The following CBX5 variants were observed in gnomAD, a reference collection of about 807,000 sequenced individuals.
CBX5 encodes the protein chromobox 5, also known as chromobox protein homolog 5.
A neutral mutation model predicts 20.7 loss-of-function variants in CBX5; 7 were observed. The observed-to-expected ratio is 0.34, with a 90% confidence interval of 0.19 to 0.63. The LOEUF (loss-of-function observed/expected upper bound fraction) is 0.63, where lower values mean the gene tolerates loss of function less well. CBX5 is among the 30% of genes least tolerant of loss of function. CBX5 has a pLI of 0.75. For missense variants in CBX5, 110 were observed against 224.1 expected, an observed-to-expected ratio of 0.49 and a Z score of 3.25; for synonymous variants, 78 against 77.0, an observed-to-expected ratio of 1.01 and a Z score of -0.07.
Position 54,247,702 on chromosome 12 carries a change from C to T in CBX5, c.325-1487G>A, listed in dbSNP as rs149142783. On this transcript the variant is annotated intron_variant, in intron 3 of 4. Transcript: ENST00000209875. ...CAGGTAATTTTTTTTTTTAGACAGT[C>T]TCCCTCTGTTGCCTAGGTTAAAGTG... Among the ~76,000 whole-genome samples the T allele has an allele frequency of 3.3e-3, 506 of 152,082 alleles. 6 individuals are homozygous for T. Among genetic ancestry groups the T allele is most frequent in the African/African-American group, 0.012 (491 of 41,488 alleles).
chr12:54,241,646 A>C lies in CBX5; in HGVS notation c.*109T>G. 1 of 1,029,676 alleles carries C rather than the reference A, an allele frequency of 9.7e-7. No homozygotes were observed. Among genetic ancestry groups the C allele is most frequent in the Non-Finnish European group, 1.4e-6 (1 of 698,696 alleles). The allele number at this position is 1,029,676 out of a possible 1,614,324, so 63.8% of individuals were successfully genotyped here. A position where few individuals can be genotyped will look rare whatever the true frequency, so the allele number is the denominator to read the frequency against. ...TCTCCTGTGGAGCACAGTGATAAGCACATTTTTTATGGATGTGTTTAGGAT... is the reference window on the plus strand; with the variant it reads ...TCTCCTGTGGAGCACAGTGATAAGCCCATTTTTTATGGATGTGTTTAGGAT... On this transcript the variant is annotated 3_prime_UTR_variant, in exon 5 of 5. Coordinates refer to ENST00000209875, the MANE Select transcript of CBX5 (RefSeq NM_012117.3).
At chr12:54,275,576 C>G (rs549146725) in intron 1 of CBX5, among the ~76,000 whole-genome samples, 1 of 152,132 alleles carries the variant, frequency 6.6e-6, no homozygotes, top group South Asian at 2.1e-4. Context: ...AGCGTTATAA[C>G]TTCTGTAATT....
At chr12:54,257,450 G>A in intron 2 of CBX5, 64 bp downstream of exon 2, 1 of 1,543,604 alleles carries the variant, frequency 6.5e-7, no homozygotes, top group South Asian at 1.2e-5. Context: ...TGATTCCTAA[G>A]GAAGTAAACC....
intron 2 of CBX5, among the ~76,000 whole-genome samples, chr12:54,257,303 T>C (rs184630799): frequency 6.6e-6 from 1 of 152,258 alleles, no homozygotes; most frequent in East Asian, 1.9e-4. Flanking sequence ...TCCTAACCAA[T>C]TCATTATACT....
At chr12:54,261,264 A>C (rs900741409) in intron 1 of CBX5, among the ~76,000 whole-genome samples, 3 of 151,536 alleles carry the variant, frequency 2.0e-5, no homozygotes, top group Non-Finnish European at 4.4e-5. Flanking sequence ...AGAAGAAACC[A>C]TAGGGTGTAA....
intron 2 of CBX5, chr12:54,255,674 T>C (rs996748810): frequency 1.3e-5 from 2 of 152,130 alleles, no homozygotes; most frequent in African/African-American, 4.8e-5. Flanking sequence ...GCAGTGGCTA[T>C]TCACAGGTAC....
rs1284163327 is a variant in CBX5, at chr12:54,238,140, A to G, written c.*3615T>C. On this transcript the variant is annotated 3_prime_UTR_variant, in exon 5 of 5. Transcript: ENST00000209875. Reference sequence around the variant, plus strand: ...AGGAGGTGGAGGGTACAGTAAGCCAAGATTGTGCCACTGCACTCCAGCCTG... The same window carrying G: ...AGGAGGTGGAGGGTACAGTAAGCCAGGATTGTGCCACTGCACTCCAGCCTG... The G allele has an allele frequency of 6.6e-6, 1 of 152,286 alleles. No homozygotes were observed. The highest frequency in any genetic ancestry group is 1.5e-5 in the Non-Finnish European group (1 of 68,120). 9.4% of individuals were successfully genotyped at this position (152,286 alleles called of 1,614,324 possible). A position where few individuals can be genotyped will look rare whatever the true frequency, so the allele number is the denominator to read the frequency against.
In CBX5 at chr12:54,257,655, C is replaced by T; in HGVS notation, c.-5G>A. ...CCGCTTGGTTTTCTTTCCCATGTCG[C>T]ACACCGTTCCACCTGAAAGACTAAG... is the stretch of plus-strand genomic sequence containing the variant. On this transcript the variant is annotated 5_prime_UTR_variant, in exon 2 of 5. Transcript: ENST00000209875. The T allele has an allele frequency of 1.9e-6, 3 of 1,614,184 alleles. No individual in the cohort carries two copies. The highest frequency in any genetic ancestry group is 1.7e-6 in the Non-Finnish European group (2 of 1,180,014).
chr12:54,263,627 G>A (rs1943930844), intron 1 of CBX5, among the ~76,000 whole-genome samples: 1 of 151,514 alleles, frequency 6.6e-6, no homozygotes, highest in Admixed American at 6.6e-5. Flanking sequence ...GGGAGGCTGA[G>A]GCAGTTACGC....
Position 54,262,736 on chromosome 12 carries a change from G to C in CBX5, c.-42-5044C>G, listed in dbSNP as rs573555719. The stretch of plus-strand genomic sequence containing the variant: ...ACACAAAGCCAGTCAAACAATTTAA[G>C]GGCTAGAGCCTAGACCAGATAAAGC... On this transcript the variant is annotated intron_variant, in intron 1 of 4. Transcript: ENST00000209875. 4 of 152,692 alleles carry C rather than the reference G, an allele frequency of 2.6e-5. No homozygotes were observed. In the East Asian group the frequency reaches 7.7e-4, roughly 29 times the overall value. 9.5% of individuals were successfully genotyped at this position (152,692 alleles called of 1,614,324 possible). A position where few individuals can be genotyped will look rare whatever the true frequency, so the allele number is the denominator to read the frequency against.
At chr12:54,250,674 G>A (rs1217404337) in intron 3 of CBX5, among the ~76,000 whole-genome samples, 4 of 147,504 alleles carry the variant, frequency 2.7e-5, no homozygotes, top group Non-Finnish European at 6.0e-5. Context: ...GCGCGGTGGC[G>A]GGCGCCTGTA....
intron 3 of CBX5, among the ~76,000 whole-genome samples, chr12:54,248,964 A>C (rs559533994): frequency 3.3e-5 from 5 of 152,306 alleles, no homozygotes; most frequent in African/African-American, 9.6e-5. Flanking sequence ...TTATGATGTA[A>C]GGGACATGTG....
At chr12:54,256,585 T>C (rs550647222) in intron 2 of CBX5, among the ~76,000 whole-genome samples, 124 of 152,270 alleles carry the variant, frequency 8.1e-4, no homozygotes, top group Non-Finnish European at 1.5e-3. Flanking sequence ...ACTAGCCACA[T>C]GTGCCTATTT....
rs538591806 is a variant in CBX5, at chr12:54,255,363, G to T, written c.137+2151C>A. Among the ~76,000 whole-genome samples the T allele has an allele frequency of 3.9e-5, 6 of 152,156 alleles. No individual in the cohort carries two copies. The South Asian group carries it at 8.3e-4, about 21-fold the overall frequency. On this transcript the variant is annotated intron_variant, in intron 2 of 4. Transcript: ENST00000209875. ...TCACAAGGTCAGGAGTTCGAGACCA[G>T]CCTGGCCAACATGGTGAAATGCTGT...
At chr12:54,275,389 G>A (rs1324338804) in intron 1 of CBX5, among the ~76,000 whole-genome samples, 1 of 151,920 alleles carries the variant, frequency 6.6e-6, no homozygotes, top group African/African-American at 2.4e-5. Context: ...CTACAGGCGT[G>A]TGCCACCACG....
rs1167136164 is a variant in CBX5 at position 54,234,410 on chromosome 12, C to A, written c.*7345G>T. ...AAATCCCTTAAAAAAGGCTGACAAA[C>A]TGACCACTTGGCCTTGAATCGACTG... On this transcript the variant is annotated 3_prime_UTR_variant, in exon 5 of 5. Coordinates refer to ENST00000209875, the MANE Select transcript of CBX5 (RefSeq NM_012117.3). 1 of 152,134 alleles carries A rather than the reference C, an allele frequency of 6.6e-6. No individual in the cohort carries two copies. The highest frequency in any genetic ancestry group is 1.5e-5 in the Non-Finnish European group (1 of 68,022). 9.4% of individuals were successfully genotyped at this position (152,134 alleles called of 1,614,324 possible).
intron 3 of CBX5, among the ~76,000 whole-genome samples, chr12:54,248,131 T>A (rs184153353): frequency 9.9e-5 from 15 of 151,796 alleles, no homozygotes; most frequent in African/African-American, 3.4e-4. Context: ...ATGTGAGCCA[T>A]CACACCCGGC....
rs1479821908 is a variant in CBX5, at chr12:54,231,583, T to C, written c.*10172A>G. The C allele has an allele frequency of 1.3e-5, 2 of 153,386 alleles. No homozygotes were observed. The highest frequency in any genetic ancestry group is 4.8e-5 in the African/African-American group (2 of 41,462). 9.5% of individuals were successfully genotyped at this position (153,386 alleles called of 1,614,324 possible). On this transcript the variant is annotated 3_prime_UTR_variant, in exon 5 of 5. Transcript: ENST00000209875. ...GAGAGGGAAAGCAGAAAGAGCCCTA[T>C]TGGGAAGAGGAGCTGGCTGCGCCCC...
intron 4 of CBX5, among the ~76,000 whole-genome samples, chr12:54,242,998 C>T (rs180740606): frequency 6.6e-6 from 1 of 151,988 alleles, no homozygotes; most frequent in African/African-American, 2.4e-5. Context: ...GTGGTGCATG[C>T]TTGTGGTCCC....
Sources: gnomAD v4.1 joint callset for allele counts (sites outside exome capture counted in the v4.1 genomes callset) on GRCh38, gnomAD v4.1.1 for gene constraint, MANE v1.5 for transcripts, NCBI Gene and HGNC (gene_info 2026-07-23, HGNC 2026-07-21) for gene names.